AGBL4: variants seen among roughly 807,000 people sequenced by gnomAD.
The protein encoded by AGBL4 is AGBL carboxypeptidase 4, also known as cytosolic carboxypeptidase 6.
Under a neutral mutation model 66.4 loss-of-function variants are expected in AGBL4, and 58 were observed. The observed-to-expected ratio is 0.87, with a 90% CI of 0.71 to 1.09. The LOEUF is 1.09. Ranked by LOEUF, AGBL4 falls within the 50% of genes least tolerant of loss-of-function variation. The probability of loss-of-function intolerance (pLI) is 0.00; values close to 1 mark genes in which losing one functional copy is unlikely to be tolerated. For missense variants in AGBL4, 579 were observed against 631.0 expected, an observed-to-expected ratio of 0.92 and a Z score of 0.88; for synonymous variants, 234 against 222.9, an observed-to-expected ratio of 1.05 and a Z score of -0.44.
At chr1:49,735,261 C>A (rs1331766102) in intron 2 of AGBL4, among the ~76,000 whole-genome samples, 1 of 150,786 alleles carries the variant, frequency 6.6e-6, no homozygotes, top group Non-Finnish European at 1.5e-5. Context: ...ATTGCAATCA[C>A]AAATGTCCTT....
At chr1:49,906,172 A>T (rs1256124605) in intron 1 of AGBL4, among the ~76,000 whole-genome samples, 3 of 151,158 alleles carry the variant, frequency 2.0e-5, no homozygotes, top group African/African-American at 7.3e-5. Flanking sequence ...TTATCCAATT[A>T]AGTAGCATTG....
chr1:48,841,698 T>C (rs1646807237), intron 6 of AGBL4, among the ~76,000 whole-genome samples: 2 of 152,154 alleles, frequency 1.3e-5, no homozygotes, highest in Admixed American at 1.3e-4. Context: ...TTTGAACTAC[T>C]ACAGATGTTG....
chr1:49,504,403 T>C (rs1021225153), intron 3 of AGBL4, among the ~76,000 whole-genome samples: 6 of 152,108 alleles, frequency 3.9e-5, no homozygotes, highest in Non-Finnish European at 7.4e-5. Flanking sequence ...ATAGTTTTAT[T>C]CCAATGTTTT....
At chr1:48,872,042 C>T (rs1336842625) in intron 5 of AGBL4, among the ~76,000 whole-genome samples, 1 of 152,060 alleles carries the variant, frequency 6.6e-6, no homozygotes, top group African/African-American at 2.4e-5. Context: ...ATCACACATG[C>T]TGATTTTTGT....
chr1:49,674,777 T>C (rs995131153), intron 3 of AGBL4, among the ~76,000 whole-genome samples: 1 of 152,048 alleles, frequency 6.6e-6, no homozygotes, highest in African/African-American at 2.4e-5. Context: ...TAGAGAGGTA[T>C]CACTGCAAGA....
chr1:49,228,754 G>T (rs370535296), intron 4 of AGBL4, among the ~76,000 whole-genome samples: 11 of 152,176 alleles, frequency 7.2e-5, no homozygotes, highest in Admixed American at 7.2e-4. Flanking sequence ...AAAAGCAGGG[G>T]TCAGTTAGGA....
At position 49,245,841 on chromosome 1, in the gene AGBL4, G is replaced by A. The variant is rs1462901871; in HGVS notation, c.306C>T (p.Asn102=). 6.5e-7 allele frequency: 1 copy of A among 1,549,244 alleles called. No homozygotes were observed. Among genetic ancestry groups the A allele is most frequent in the Admixed American group, 2.0e-5 (1 of 50,894 alleles). The change falls in exon 4 of 14, where the codon AAC becomes AAT. Residue 102 remains asparagine, a synonymous_variant. Transcript: ENST00000371839. ...TATAGAGACTCTTGGTTTTACTGAA[G>A]TTAACAATGTTGAAAATGACCCTCT... ...ESQRVIFNIV[N]FSKTKSLYRD...
intron 1 of AGBL4, among the ~76,000 whole-genome samples, chr1:49,879,639 T>C (rs1415336696): frequency 2.0e-5 from 3 of 146,888 alleles, no homozygotes; most frequent in African/African-American, 5.1e-5. Flanking sequence ...ATTATGTGTC[T>C]TGGAGTTGCT....
chr1:48,831,192 G>C (rs1481315056), intron 6 of AGBL4, among the ~76,000 whole-genome samples: 1 of 152,182 alleles, frequency 6.6e-6, no homozygotes, highest in Non-Finnish European at 1.5e-5. Flanking sequence ...GAGGGCAGAA[G>C]TATAGTCTAT....
intron 5 of AGBL4, among the ~76,000 whole-genome samples, chr1:49,023,802 AC>A (rs1461806456): frequency 6.6e-6 from 1 of 152,148 alleles, no homozygotes; most frequent in Non-Finnish European, 1.5e-5. Flanking sequence ...CTAAAACTGT[AC>A]CCTTCTTATG....
At chr1:48,952,369 C>G (rs1337377388) in intron 5 of AGBL4, among the ~76,000 whole-genome samples, 2 of 151,884 alleles carry the variant, frequency 1.3e-5, no homozygotes, top group Non-Finnish European at 2.9e-5. Context: ...AGAGAATGAG[C>G]AAGATAATAT....
At position 49,697,395 on chromosome 1, in the gene AGBL4, T is replaced by A; in HGVS notation, c.200A>T (p.Asp67Val). 1.9e-6 allele frequency: 3 copies of A among 1,540,854 alleles called. No individual in the cohort carries two copies. The highest frequency in any genetic ancestry group is 2.6e-6 in the Non-Finnish European group (3 of 1,138,508). ...ACAGGTGTCCGGCCTAATGAACAGA[T>A]CATACTCAAACTCAGAGACCTGGTC... The part of the protein sequence containing the change: ...RVDQVSEFEY[D>V]LFIRPDTCNP... The change falls in exon 3 of 14, where the codon GAT becomes GTT. Residue 67 changes from aspartate to valine, a missense_variant. Coordinates refer to ENST00000371839, the MANE Select transcript of AGBL4 (RefSeq NM_032785.4).
At chr1:49,068,813 T>C (rs1334541483) in intron 4 of AGBL4, among the ~76,000 whole-genome samples, 1 of 152,202 alleles carries the variant, frequency 6.6e-6, no homozygotes. Flanking sequence ...CACAGAGTCT[T>C]CCACAATGGT....
chr1:49,143,908 C>A (rs1035152702), intron 4 of AGBL4, among the ~76,000 whole-genome samples: 2 of 152,184 alleles, frequency 1.3e-5, no homozygotes, highest in African/African-American at 4.8e-5. Flanking sequence ...TGAGCTGGTT[C>A]TCTAGTGTAA....
At chr1:49,179,901 AT>A (rs568689915) in intron 4 of AGBL4, among the ~76,000 whole-genome samples, 43 of 148,704 alleles carry the variant, frequency 2.9e-4, no homozygotes, top group African/African-American at 8.6e-4. Context: ...TATTTTTTTT[AT>A]TTTTTTTTTA....
chr1:49,519,933 T>C (rs1053186789), intron 3 of AGBL4, among the ~76,000 whole-genome samples: 7 of 152,054 alleles, frequency 4.6e-5, no homozygotes, highest in African/African-American at 1.7e-4. Flanking sequence ...GTTGTCCTTG[T>C]GGCTGTCAAT....
intron 3 of AGBL4, among the ~76,000 whole-genome samples, chr1:49,290,219 T>G (rs1262802280): frequency 6.6e-6 from 1 of 152,216 alleles, no homozygotes; most frequent in Admixed American, 6.5e-5. Flanking sequence ...CAACCTCTCT[T>G]ATAAGTCTGC....
chr1:48,554,095 C>T (rs1346607772), intron 11 of AGBL4, among the ~76,000 whole-genome samples: 1 of 152,140 alleles, frequency 6.6e-6, no homozygotes, highest in Non-Finnish European at 1.5e-5. Flanking sequence ...CGGTCTTTTC[C>T]TGGGAAGCAT....
chr1:49,746,352 T>C (rs1027302677), intron 2 of AGBL4, among the ~76,000 whole-genome samples: 2 of 152,044 alleles, frequency 1.3e-5, no homozygotes, highest in African/African-American at 2.4e-5. Flanking sequence ...AACCATCATA[T>C]TCATATCTCC....
Sources: gnomAD v4.1 joint callset for allele counts (sites outside exome capture counted in the v4.1 genomes callset) on GRCh38, gnomAD v4.1.1 for gene constraint, MANE v1.5 for transcripts, NCBI Gene and HGNC (gene_info 2026-07-23, HGNC 2026-07-21) for gene names.